The following ZDHHC17 variants were observed in gnomAD, a reference collection of about 807,000 sequenced individuals.
ZDHHC17 encodes the protein zDHHC palmitoyltransferase 17.
A neutral mutation model predicts 90.3 loss-of-function variants in ZDHHC17; 40 were observed. That is an observed-to-expected ratio of 0.44 (90% confidence interval 0.34 to 0.58). ZDHHC17 has a LOEUF of 0.58. ZDHHC17 is among the 20% of genes least tolerant of loss of function. The probability of loss-of-function intolerance (pLI) is 0.01; values close to 1 mark genes in which losing one functional copy is unlikely to be tolerated. For synonymous variants in ZDHHC17, 235 were observed against 252.4 expected (o/e 0.93, Z 0.65); for missense variants, 614 against 780.8 (o/e 0.79, Z 2.55).
In ZDHHC17 at chr12:76,807,417, G is replaced by A. The variant is rs149638629; in HGVS notation, c.321-1626G>A. ...CAGTTGTTCGTTGATGGTCCCTTCT[G>A]AAAACCTAGGATCATTAGTACCTGC... is the stretch of plus-strand genomic sequence containing the variant. On this transcript the variant is annotated intron_variant, in intron 3 of 16. Coordinates refer to ENST00000426126, the MANE Select transcript of ZDHHC17 (RefSeq NM_015336.4). 3.3e-5 allele frequency among the ~76,000 whole-genome samples: 5 copies of A among 152,222 alleles called. No homozygotes were observed. In the East Asian group the frequency reaches 9.7e-4, roughly 29 times the overall value.
intron 12 of ZDHHC17, among the ~76,000 whole-genome samples, chr12:76,843,552 T>C (rs989004081): frequency 6.6e-6 from 1 of 152,096 alleles, no homozygotes; most frequent in African/African-American, 2.4e-5. Context: ...CTAGTATTTA[T>C]TAATAGAGTC....
At chr12:76,832,933 A>G (rs1953322010) in intron 10 of ZDHHC17, among the ~76,000 whole-genome samples, 1 of 152,150 alleles carries the variant, frequency 6.6e-6, no homozygotes, top group South Asian at 2.1e-4. Context: ...CGTTGAATTC[A>G]TGGCACTTTT....
chr12:76,770,659 C>T (rs914640282), intron 1 of ZDHHC17, among the ~76,000 whole-genome samples: 11 of 152,144 alleles, frequency 7.2e-5, no homozygotes, highest in African/African-American at 2.2e-4. Flanking sequence ...GTGTGCTGGC[C>T]GGGCTTGGTG....
At chr12:76,840,903 A>G (rs1953427404) in intron 10 of ZDHHC17, 1 of 152,144 alleles carries the variant, frequency 6.6e-6, no homozygotes, top group Admixed American at 6.5e-5. Flanking sequence ...AACTTGTGAT[A>G]AATAAAAGTG....
chr12:76,822,003 T>C (rs1244472811), intron 7 of ZDHHC17, among the ~76,000 whole-genome samples: 1 of 152,168 alleles, frequency 6.6e-6, no homozygotes, highest in Non-Finnish European at 1.5e-5. Context: ...ATTGTTGAAA[T>C]AAAACTGAGA....
chr12:76,824,105 CAT>C (rs1229462942), intron 8 of ZDHHC17, among the ~76,000 whole-genome samples: 2 of 152,000 alleles, frequency 1.3e-5, no homozygotes, highest in East Asian at 3.8e-4. Context: ...CACACACACA[CAT>C]ATAGTCATAA....
chr12:76,841,889 G>A, intron 10 of ZDHHC17, 93 bp from the exon 11 acceptor site: 1 of 950,608 alleles, frequency 1.1e-6, no homozygotes, highest in Non-Finnish European at 1.4e-6. Flanking sequence ...TTTTTTGACT[G>A]GTAGGTGTTT....
In ZDHHC17 at chr12:76,846,650, T is replaced by A; in HGVS notation, c.1478T>A (p.Ile493Asn). 1.2e-6 allele frequency: 2 copies of A among 1,611,826 alleles called. No individual in the cohort carries two copies. The highest frequency in any genetic ancestry group is 1.7e-6 in the Non-Finnish European group (2 of 1,178,646). The change falls in exon 14 of 17, where the codon ATC becomes AAC. Residue 493 changes from isoleucine (I) to asparagine (N), a missense_variant. By Grantham distance (149) the Ile-to-Asn change is moderately radical (BLOSUM62 -3). This residue lies in a region of ZDHHC17 where 111 missense variants were observed against 179.8 expected (regional missense o/e 0.62). Coordinates refer to ENST00000426126, the MANE Select transcript of ZDHHC17 (RefSeq NM_015336.4). ...MGYLFFLLFMICWMIYGCISY... is the reference protein window; with the variant it reads ...MGYLFFLLFMNCWMIYGCISY... Reference sequence around the variant, plus strand: ...TACCTATTCTTCTTGCTTTTTATGATCTGCTGGATGATTTATGGTTGTATA... The same window carrying A: ...TACCTATTCTTCTTGCTTTTTATGAACTGCTGGATGATTTATGGTTGTATA...
intron 15 of ZDHHC17, 51 bp from the exon 16 acceptor site, chr12:76,849,323 CAA>C (rs34062414): frequency 0.033 from 14,714 of 450,250 alleles, 109 homozygotes; most frequent in African/African-American, 0.11. Context: ...GGTCCTGTCT[CAA>C]AAAAAAAAAA....
Position 76,809,821 on chromosome 12 carries a change from T to TA in ZDHHC17, c.508dup (p.Thr170AsnfsTer31). 1 of 1,611,498 alleles carries TA rather than the reference T, an allele frequency of 6.2e-7. No homozygotes were observed. Among genetic ancestry groups the TA allele is most frequent in the Non-Finnish European group, 8.5e-7 (1 of 1,178,804 alleles). On this transcript the variant is annotated frameshift_variant, in exon 5 of 17. Transcript: ENST00000426126. LOFTEE classifies it high-confidence loss of function. ...TTCATCTGGCTGCTCAGTTCGGACA[T>TA]ACCTCAATTGTTGCTTATCTCATAG...
At chr12:76,777,691 T>C (rs1687256210) in intron 1 of ZDHHC17, among the ~76,000 whole-genome samples, 1 of 152,170 alleles carries the variant, frequency 6.6e-6, no homozygotes, top group South Asian at 2.1e-4. Context: ...GCATTTGGTA[T>C]TGTCACTTTG....
intron 3 of ZDHHC17, among the ~76,000 whole-genome samples, chr12:76,807,792 G>A (rs1238603823): frequency 6.6e-6 from 1 of 152,112 alleles, no homozygotes; most frequent in Non-Finnish European, 1.5e-5. Context: ...GGATGAAATT[G>A]CTTTAGAAAA....
At chr12:76,825,679 GA>G (rs11321911) in intron 8 of ZDHHC17, among the ~76,000 whole-genome samples, 92,131 of 150,582 alleles carry the variant, frequency 0.61, 28,063 homozygotes, top group East Asian at 0.67. Flanking sequence ...TCATTTATAT[GA>G]AAAAAAAAAA....
chr12:76,779,635 G>A (rs955017561), intron 1 of ZDHHC17, among the ~76,000 whole-genome samples: 10 of 152,274 alleles, frequency 6.6e-5, no homozygotes, highest in Admixed American at 5.9e-4. Flanking sequence ...AACCACATCA[G>A]CCTCATAACA....
At chr12:76,788,015 G>C (rs1952711379) in intron 1 of ZDHHC17, among the ~76,000 whole-genome samples, 1 of 152,212 alleles carries the variant, frequency 6.6e-6, no homozygotes, top group African/African-American at 2.4e-5. Context: ...GTTCCAGGCT[G>C]TAGTGGTGAT....
At chr12:76,798,371 T>C (rs1260849531) in intron 2 of ZDHHC17, among the ~76,000 whole-genome samples, 3 of 152,166 alleles carry the variant, frequency 2.0e-5, no homozygotes. Context: ...GTTATTTTCA[T>C]CTGCAAAGAG....
chr12:76,821,632 A>G (rs1953163387), intron 7 of ZDHHC17, among the ~76,000 whole-genome samples: 1 of 152,176 alleles, frequency 6.6e-6, no homozygotes, highest in Non-Finnish European at 1.5e-5. Context: ...AAATAGTGGA[A>G]CACATTAAAT....
chr12:76,845,815 A>G lies in ZDHHC17; in HGVS notation c.1423+13A>G. On this transcript the variant is annotated intron_variant, in intron 13 of 16. Coordinates refer to ENST00000426126, the MANE Select transcript of ZDHHC17 (RefSeq NM_015336.4). ...GGTAACTGTGTAGGTAAGTTGTATT[A>G]GTAATTTCTTCTGTATCATTCATTT... The G allele has an allele frequency of 6.9e-7, 1 of 1,439,758 alleles. No individual in the cohort carries two copies. Among genetic ancestry groups the G allele is most frequent in the Non-Finnish European group, 9.8e-7 (1 of 1,024,422 alleles). 89.2% of individuals were successfully genotyped at this position (1,439,758 alleles called of 1,614,324 possible). A position where few individuals can be genotyped will look rare whatever the true frequency, so the allele number is the denominator to read the frequency against.
At chr12:76,770,469 T>C (rs554084527) in intron 1 of ZDHHC17, among the ~76,000 whole-genome samples, 11 of 152,208 alleles carry the variant, frequency 7.2e-5, no homozygotes, top group Non-Finnish European at 1.0e-4. Flanking sequence ...AATAACACAT[T>C]GTAAAATGAT....
Sources: allele counts gnomAD v4.1 joint callset (sites outside exome capture counted in the v4.1 genomes callset), GRCh38; gene constraint gnomAD v4.1.1; regional missense constraint gnomAD v4.1.1; transcripts MANE v1.5; gene names NCBI Gene and HGNC (gene_info 2026-07-23, HGNC 2026-07-21).